CATSPERQ: variants seen among roughly 807,000 people sequenced by gnomAD.
CATSPERQ encodes catsper channel auxiliary subunit theta, also known as cation channel sperm-associated auxiliary subunit theta.
chr8:144,353,791 G>A, the CATSPERQ span: 14 of 1,535,406 alleles, frequency 9.1e-6, no homozygotes, highest in Admixed American at 1.6e-4. Context: ...GTAGTGCTCC[G>A]ACAGCTGCAC....
chr8:144,353,822 T>C, the CATSPERQ span: 2 of 1,535,504 alleles, frequency 1.3e-6, no homozygotes, highest in East Asian at 4.9e-5. Context: ...GGCTCCAACC[T>C]GTGGCCGCCG....
At chr8:144,354,728 T>C in the CATSPERQ span, 1 of 1,535,530 alleles carries the variant, frequency 6.5e-7, no homozygotes, top group Non-Finnish European at 8.7e-7. This position sits in a 1 kb window ranked among gnomAD's most constrained non-coding sequence, Gnocchi z 4.6. Flanking sequence ...CGCCAGCCGA[T>C]GGAGGTCGTG....
At chr8:144,354,461 C>G in the CATSPERQ span, 1 of 1,311,066 alleles carries the variant, frequency 7.6e-7, no homozygotes, top group Non-Finnish European at 1.0e-6. The surrounding 1 kb of genome is among the most constrained non-coding windows in gnomAD (Gnocchi z 4.6). Context: ...TGCGGCCTCT[C>G]CGTCCCCAGG....
At chr8:144,354,701 G>A in the CATSPERQ span, 3 of 1,535,606 alleles carry the variant, frequency 2.0e-6, no homozygotes, top group East Asian at 2.4e-5. This position sits in a 1 kb window ranked among gnomAD's most constrained non-coding sequence, Gnocchi z 4.6. Flanking sequence ...GTGAGTCCTA[G>A]GAACCAGAGC....
At chr8:144,354,202 G>C in the CATSPERQ span, 1 of 1,545,412 alleles carries the variant, frequency 6.5e-7, no homozygotes, top group East Asian at 2.4e-5. The surrounding 1 kb of genome is among the most constrained non-coding windows in gnomAD (Gnocchi z 4.6). Context: ...CCTCAGGGGA[G>C]GAGGGCGGTG....
At chr8:144,354,514 C>A in the CATSPERQ span, 1 of 1,422,026 alleles carries the variant, frequency 7.0e-7, no homozygotes, top group South Asian at 1.4e-5. The surrounding 1 kb of genome is among the most constrained non-coding windows in gnomAD (Gnocchi z 4.6). Context: ...CTGCCTCTGC[C>A]CACCTGGCTC....
chr8:144,353,955 A>T, the CATSPERQ span: 10 of 1,531,542 alleles, frequency 6.5e-6, no homozygotes, highest in Non-Finnish European at 7.9e-6. Context: ...GCCCGTTACC[A>T]TCGGAGCTGA....
chr8:144,354,185 G>C, the CATSPERQ span: 4 of 1,542,108 alleles, frequency 2.6e-6, no homozygotes, highest in African/African-American at 2.7e-5. The surrounding 1 kb of genome is among the most constrained non-coding windows in gnomAD (Gnocchi z 4.6). Flanking sequence ...AGCGGCGCGG[G>C]GCCGGCCCTC....
chr8:144,353,798 G>C, the CATSPERQ span: 11 of 1,535,544 alleles, frequency 7.2e-6, no homozygotes, highest in South Asian at 1.3e-4. Context: ...TCCGACAGCT[G>C]CACCAGCACC....
chr8:144,354,338 G>A, the CATSPERQ span: 1 of 1,532,858 alleles, frequency 6.5e-7, no homozygotes, highest in Non-Finnish European at 8.7e-7. The surrounding 1 kb of genome is among the most constrained non-coding windows in gnomAD (Gnocchi z 4.6). Context: ...AAGACTGGGG[G>A]TGGCGCGGCG....
the CATSPERQ span, chr8:144,354,887 G>T: frequency 7.0e-7 from 1 of 1,428,546 alleles, no homozygotes; most frequent in East Asian, 2.5e-5. The surrounding 1 kb of genome is among the most constrained non-coding windows in gnomAD (Gnocchi z 4.6). Context: ...GAAGGAGCAG[G>T]AGCTCACAGG....
At chr8:144,354,044 G>C in the CATSPERQ span, 3 of 1,535,502 alleles carry the variant, frequency 2.0e-6, no homozygotes, top group Non-Finnish European at 2.6e-6. This position sits in a 1 kb window ranked among gnomAD's most constrained non-coding sequence, Gnocchi z 4.6. Flanking sequence ...TACACGCCGC[G>C]CGTGTGGTTC....
the CATSPERQ span, chr8:144,353,948 C>T: frequency 2.0e-6 from 3 of 1,530,454 alleles, no homozygotes; most frequent in Non-Finnish European, 2.6e-6. Context: ...CCTCCCGGCC[C>T]GTTACCATCG....
At chr8:144,353,917 G>T in the CATSPERQ span, 7 of 1,528,256 alleles carry the variant, frequency 4.6e-6, no homozygotes, top group Non-Finnish European at 6.1e-6. Flanking sequence ...CTCCCAAGCT[G>T]CCTCCCCGTC....
At chr8:144,353,350 A>T in the CATSPERQ span, 15 of 1,528,406 alleles carry the variant, frequency 9.8e-6, no homozygotes, top group Non-Finnish European at 1.3e-5. Flanking sequence ...CCTCAGAGTC[A>T]CACCTCCAGG....
the CATSPERQ span, chr8:144,354,599 GC>G: frequency 1.5e-6 from 1 of 674,028 alleles, no homozygotes; most frequent in Admixed American, 6.4e-5. The surrounding 1 kb of genome is among the most constrained non-coding windows in gnomAD (Gnocchi z 4.6). Context: ...GCCCCGCCCC[GC>G]CCAGCCTCGC....
At chr8:144,353,497 G>T in the CATSPERQ span, 1 of 1,535,694 alleles carries the variant, frequency 6.5e-7, no homozygotes, top group Non-Finnish European at 8.7e-7. Context: ...TTGAGTTTCC[G>T]GGCGATGTAA....
the CATSPERQ span, chr8:144,353,386 G>C: frequency 5.2e-6 from 8 of 1,535,354 alleles, no homozygotes; most frequent in Admixed American, 1.6e-4. Context: ...CTGGGCTTGT[G>C]ACCCATGGGG....
At chr8:144,353,801 C>T in the CATSPERQ span, 1 of 1,535,602 alleles carries the variant, frequency 6.5e-7, no homozygotes, top group East Asian at 2.4e-5. Flanking sequence ...GACAGCTGCA[C>T]CAGCACCAGG....
Sources: gnomAD v4.1 joint callset for allele counts on GRCh38, gnomAD v4.1.1 for gene constraint, Gnocchi (gnomAD v3.1) non-coding constraint, MANE v1.5 for transcripts, NCBI Gene and HGNC (gene_info 2026-07-23, HGNC 2026-07-21) for gene names.